Variants in MTUS2 observed in about 807,000 individuals in gnomAD.
The protein encoded by MTUS2 is microtubule associated scaffold protein 2.
Under a neutral mutation model 114.1 loss-of-function variants are expected in MTUS2, and 40 were observed. The observed-to-expected ratio is 0.35, with a 90% confidence interval of 0.27 to 0.46. The LOEUF (loss-of-function observed/expected upper bound fraction) is 0.46. Among genes scored for constraint, MTUS2 ranks in the 20% least tolerant of loss-of-function variants. MTUS2 has a pLI of 1.00. For missense variants in MTUS2, 1,679 were observed against 1,705.4 expected, an observed-to-expected ratio of 0.98 and a Z score of 0.27; for synonymous variants, 688 against 672.0, an observed-to-expected ratio of 1.02 and a Z score of -0.37.
chr13:28,960,855 T>G (rs1883294737), intron 2 of MTUS2, among the ~76,000 whole-genome samples: 1 of 152,014 alleles, frequency 6.6e-6, no homozygotes, highest in South Asian at 2.1e-4. Context: ...CTATGGTGTG[T>G]GAATTATATC....
chr13:29,491,007 G>GTGT (rs1555286008), intron 11 of MTUS2, among the ~76,000 whole-genome samples: 4 of 133,826 alleles, frequency 3.0e-5, no homozygotes, highest in South Asian at 2.4e-4. Flanking sequence ...GTGTGTGTGT[G>GTGT]GTGTGGGAGG....
At chr13:29,260,425 A>C (rs1035568807) in intron 5 of MTUS2, among the ~76,000 whole-genome samples, 1 of 152,216 alleles carries the variant, frequency 6.6e-6, no homozygotes, top group African/African-American at 2.4e-5. Flanking sequence ...CTGAACAGTC[A>C]TGAACCCGTT....
At chr13:29,302,408 G>C (rs1454516106) in intron 6 of MTUS2, among the ~76,000 whole-genome samples, 4 of 152,146 alleles carry the variant, frequency 2.6e-5, no homozygotes, top group African/African-American at 9.7e-5. Flanking sequence ...TCTATACACA[G>C]AGCTGTGTGG....
chr13:29,106,497 T>TA (rs1348316983), intron 5 of MTUS2, among the ~76,000 whole-genome samples: 1 of 152,142 alleles, frequency 6.6e-6, no homozygotes, highest in Non-Finnish European at 1.5e-5. Flanking sequence ...TAGTTGGAAA[T>TA]ACAGGCATGT....
intron 5 of MTUS2, among the ~76,000 whole-genome samples, chr13:29,232,324 GCA>G (rs1491281070): frequency 9.4e-5 from 3 of 31,894 alleles, no homozygotes; most frequent in African/African-American, 1.4e-4. Context: ...ACACACACAC[GCA>G]CACATACACA....
intron 1 of MTUS2, among the ~76,000 whole-genome samples, chr13:28,824,287 C>G (rs1874116241): frequency 6.6e-6 from 1 of 152,180 alleles, no homozygotes; most frequent in South Asian, 2.1e-4. Context: ...ATATGTGTAT[C>G]TCCTACCACC....
intron 5 of MTUS2, among the ~76,000 whole-genome samples, chr13:29,148,386 A>G (rs1452893800): frequency 3.0e-5 from 1 of 33,132 alleles, no homozygotes; most frequent in East Asian, 6.3e-4. Context: ...GACAGACCCC[A>G]GTGTGTGTTG....
Position 29,139,039 on chromosome 13 carries a change from CT to C in MTUS2, c.2644+38083del, listed in dbSNP as rs569683749. 9.3e-3 allele frequency among the ~76,000 whole-genome samples: 1,317 copies of C among 141,794 alleles called. 3 individuals are homozygous for C. The highest frequency in any genetic ancestry group is 0.03 in the Middle Eastern group (8 of 266). The allele number at this position is 141,794 out of a possible 152,430, so 93.0% of individuals were successfully genotyped here. On this transcript the variant is annotated intron_variant, in intron 5 of 15. Transcript: ENST00000612955. The stretch of plus-strand genomic sequence containing the variant: ...TATGTTAAGTTCAGTTTCCTCCTGT[CT>C]TTTTTTTTTTTTTCTTTACTAACAT...
intron 5 of MTUS2, among the ~76,000 whole-genome samples, chr13:29,144,809 A>T (rs1314665030): frequency 6.6e-6 from 1 of 152,218 alleles, no homozygotes; most frequent in Non-Finnish European, 1.5e-5. Context: ...GATTATAAAT[A>T]AGTCACAGGT....
At chr13:29,427,692 A>G (rs1876653469) in intron 8 of MTUS2, among the ~76,000 whole-genome samples, 1 of 152,208 alleles carries the variant, frequency 6.6e-6, no homozygotes, top group Admixed American at 6.5e-5. Flanking sequence ...ATCTGCTTGG[A>G]AAATCTCAGT....
At chr13:29,400,395 G>A (rs535700220) in intron 8 of MTUS2, among the ~76,000 whole-genome samples, 9 of 152,348 alleles carry the variant, frequency 5.9e-5, no homozygotes, top group African/African-American at 2.2e-4. Flanking sequence ...TGCCCTCGCA[G>A]CATTTATGAA....
chr13:29,181,586 T>C (rs1894006626), intron 5 of MTUS2, among the ~76,000 whole-genome samples: 1 of 152,190 alleles, frequency 6.6e-6, no homozygotes, highest in Non-Finnish European at 1.5e-5. Context: ...GGGTTAGGAT[T>C]TAGCAGTTTT....
chr13:29,019,057 C>T (rs898471136), intron 2 of MTUS2, among the ~76,000 whole-genome samples: 3 of 151,870 alleles, frequency 2.0e-5, no homozygotes, highest in Admixed American at 6.6e-5. Flanking sequence ...TGTGTAGGAC[C>T]GGTCATGGTA....
At chr13:29,176,155 A>T (rs1004009327) in intron 5 of MTUS2, among the ~76,000 whole-genome samples, 1 of 152,170 alleles carries the variant, frequency 6.6e-6, no homozygotes. Flanking sequence ...TAAATATTCA[A>T]TGAGTTCATT....
At chr13:29,473,624 A>C (rs1285883825) in intron 9 of MTUS2, among the ~76,000 whole-genome samples, 1 of 152,218 alleles carries the variant, frequency 6.6e-6, no homozygotes, top group African/African-American at 2.4e-5. Flanking sequence ...AGGTATTTTT[A>C]TATCAGATGT....
At chr13:28,887,409 G>A (rs1878656672) in intron 2 of MTUS2, among the ~76,000 whole-genome samples, 1 of 152,218 alleles carries the variant, frequency 6.6e-6, no homozygotes, top group Non-Finnish European at 1.5e-5. Context: ...GAGATACTTA[G>A]TGAGAGTCTG....
At chr13:29,123,840 T>C (rs1467644128) in intron 5 of MTUS2, among the ~76,000 whole-genome samples, 2 of 152,190 alleles carry the variant, frequency 1.3e-5, no homozygotes, top group Non-Finnish European at 2.9e-5. Context: ...CAGAACATGG[T>C]GGTAGTGTCC....
intron 2 of MTUS2, among the ~76,000 whole-genome samples, chr13:28,904,331 G>A (rs923827252): frequency 2.0e-5 from 3 of 152,178 alleles, no homozygotes; most frequent in African/African-American, 4.8e-5. Context: ...CCTTGCCCAT[G>A]CCTATGTCCT....
intron 10 of MTUS2, chr13:29,482,213 G>A (rs1881240070): frequency 6.6e-6 from 1 of 152,276 alleles, no homozygotes; most frequent in African/African-American, 2.4e-5. Context: ...CCTGAACGAA[G>A]CCTCTCGTGA....
Sources: allele counts gnomAD v4.1 joint callset (sites outside exome capture counted in the v4.1 genomes callset), GRCh38; gene constraint gnomAD v4.1.1; transcripts MANE v1.5; gene names NCBI Gene and HGNC (gene_info 2026-07-23, HGNC 2026-07-21).